The following INTS10 variants were observed in gnomAD, a reference collection of about 807,000 sequenced individuals.
The protein encoded by INTS10 is chromosome 8 open reading frame 35.
In INTS10, 44 loss-of-function variants were observed where a neutral mutation model predicts 94.4. That is an observed-to-expected ratio of 0.47 (90% CI 0.37 to 0.60). The LOEUF is 0.60. Among genes scored for constraint, INTS10 ranks in the 20% least tolerant of loss-of-function variants. The probability of loss-of-function intolerance (pLI) is 0.00; values close to 1 mark genes in which losing one functional copy is unlikely to be tolerated. For missense variants in INTS10, 797 were observed against 868.7 expected (o/e 0.92, Z 1.04); for synonymous variants, 341 against 320.7 (o/e 1.06, Z -0.68).
chr8:19,842,982 A>C, intron 14 of INTS10, 55 bp downstream of exon 14: 1 of 1,202,100 alleles, frequency 8.3e-7, no homozygotes, highest in Non-Finnish European at 1.2e-6. Context: ...TATTATTCTC[A>C]TGACTCGAGA....
Position 19,826,407 on chromosome 8 carries a change from T to G in INTS10, c.1007-19T>G. Reference sequence around the variant, plus strand: ...TCCTTGCTGCACTGGTAAGTGTTGGTGTTTTTCCCCGTCCTTAGGTCCTAA... The same window carrying G: ...TCCTTGCTGCACTGGTAAGTGTTGGGGTTTTTCCCCGTCCTTAGGTCCTAA... On this transcript the variant is annotated intron_variant, in intron 8 of 16. Coordinates refer to ENST00000397977, the MANE Select transcript of INTS10 (RefSeq NM_018142.4). The G allele has an allele frequency of 6.2e-7, 1 of 1,601,046 alleles. No homozygotes were observed. Among genetic ancestry groups the G allele is most frequent in the Non-Finnish European group, 8.5e-7 (1 of 1,174,980 alleles).
chr8:19,817,595 C>G lies in INTS10; in HGVS notation c.58C>G (p.Gln20Glu), dbSNP rs769038308. The part of the protein sequence containing the change: ...LVQRARELVP[Q>E]DLWAAKAWLI... ...GCAGCGAGCCCGGGAGTTGGTGCCG[C>G]AAGACCTGTGGGCAGCCAAGGCGTG... Residue 20 changes from glutamine to glutamate, a missense_variant, in exon 1 of 17, where the codon CAA (glutamine) becomes GAA (glutamate). Transcript: ENST00000397977. The G allele has an allele frequency of 6.2e-7, 1 of 1,608,950 alleles. No individual in the cohort carries two copies. Among genetic ancestry groups the G allele is most frequent in the East Asian group, 2.2e-5 (1 of 44,722 alleles).
At position 19,846,986 on chromosome 8, in the gene INTS10, T is replaced by C. The variant is rs2068632616; in HGVS notation, c.1976+1189T>C. 1.3e-5 allele frequency among the ~76,000 whole-genome samples: 2 copies of C among 152,222 alleles called. No individual in the cohort carries two copies. Among genetic ancestry groups the C allele is most frequent in the African/African-American group, 4.8e-5 (2 of 41,470 alleles). Reference sequence around the variant, plus strand: ...TCCCTCAGTTGTGGAATAAACTAGTTTTCAGTGGTTGAAAGCAAAAATCCA... The same window carrying C: ...TCCCTCAGTTGTGGAATAAACTAGTCTTCAGTGGTTGAAAGCAAAAATCCA... On this transcript the variant is annotated intron_variant, in intron 16 of 16. Coordinates refer to ENST00000397977, the MANE Select transcript of INTS10 (RefSeq NM_018142.4). The surrounding 1 kb of genome is among the most constrained non-coding windows in gnomAD (Gnocchi z 4.2).
At chr8:19,827,235 G>T (rs1243563650) in intron 9 of INTS10, among the ~76,000 whole-genome samples, 1 of 152,150 alleles carries the variant, frequency 6.6e-6, no homozygotes, top group Non-Finnish European at 1.5e-5. Context: ...TCTGCCCGTT[G>T]AAGCTGTGCT....
At chr8:19,824,540 C>A in intron 7 of INTS10, 2 of 350,964 alleles carry the variant, frequency 5.7e-6, no homozygotes, top group Non-Finnish European at 1.0e-5. Context: ...GAAATATGAA[C>A]TCTTAAGACG....
intron 5 of INTS10, among the ~76,000 whole-genome samples, chr8:19,822,935 T>TGA (rs1224545924): frequency 2.3e-4 from 34 of 149,066 alleles, no homozygotes; most frequent in African/African-American, 6.7e-4. Flanking sequence ...GGTGACTGAG[T>TGA]GAGACTCTGT....
At chr8:19,850,214 G>A (rs111808745) in intron 16 of INTS10, among the ~76,000 whole-genome samples, 4 of 151,930 alleles carry the variant, frequency 2.6e-5, no homozygotes, top group African/African-American at 7.2e-5. Context: ...AGTAACCTCC[G>A]CTTGGTCAGA....
At position 19,822,496 on chromosome 8, in the gene INTS10, G is replaced by C; in HGVS notation, c.499G>C (p.Val167Leu). The change falls in exon 5 of 17, where the codon GTG becomes CTG. Residue 167 changes from valine to leucine, a missense_variant. Physicochemically the swap from Val to Leu is conservative, Grantham distance 32. Coordinates refer to ENST00000397977, the MANE Select transcript of INTS10 (RefSeq NM_018142.4). ...AETIEEQESPVNCFRKLFVCD... is the reference protein window; with the variant it reads ...AETIEEQESPLNCFRKLFVCD... Reference sequence around the variant, plus strand: ...AACTATTGAAGAACAAGAATCTCCAGTGAACTGCTTTAGAAAATTATTTGG... The same window carrying C: ...AACTATTGAAGAACAAGAATCTCCACTGAACTGCTTTAGAAAATTATTTGG... The C allele has an allele frequency of 6.2e-7, 1 of 1,609,154 alleles. No homozygotes were observed. The highest frequency in any genetic ancestry group is 8.5e-7 in the Non-Finnish European group (1 of 1,175,670).
rs1244196847 is a variant in INTS10, at chr8:19,817,679, C to G, written c.129+13C>G. 2 of 1,600,168 alleles carry G rather than the reference C, an allele frequency of 1.2e-6. No homozygotes were observed. The highest frequency in any genetic ancestry group is 1.3e-5 in the African/African-American group (1 of 74,724). ...CTTTAACATCCAGGTGAGGTCCCGG[C>G]TGTGCATGCGGCCGCTCTGCGTGGA... is the stretch of plus-strand genomic sequence containing the variant. On this transcript the variant is annotated intron_variant, in intron 1 of 16. Coordinates refer to ENST00000397977, the MANE Select transcript of INTS10 (RefSeq NM_018142.4).
intron 12 of INTS10, among the ~76,000 whole-genome samples, chr8:19,836,433 G>A (rs548793599): frequency 6.6e-6 from 1 of 152,320 alleles, no homozygotes; most frequent in South Asian, 2.1e-4. Context: ...CATCCGTCCA[G>A]TGTCTCATCT....
intron 16 of INTS10, among the ~76,000 whole-genome samples, chr8:19,850,405 G>A (rs189945208): frequency 6.6e-6 from 1 of 152,254 alleles, no homozygotes; most frequent in Non-Finnish European, 1.5e-5. Context: ...CCACGGCCCT[G>A]CTGTTTTCCC....
Position 19,817,638 on chromosome 8 carries a change from G to A in INTS10, c.101G>A (p.Ser34Asn), listed in dbSNP as rs767078694. 3 of 1,607,452 alleles carry A rather than the reference G, an allele frequency of 1.9e-6. No individual in the cohort carries two copies. The highest frequency in any genetic ancestry group is 2.5e-6 in the Non-Finnish European group (3 of 1,177,626). Residue 34 changes from serine to asparagine, a missense_variant, in exon 1 of 17, where the codon AGC becomes AAC. Coordinates refer to ENST00000397977, the MANE Select transcript of INTS10 (RefSeq NM_018142.4). ...AAKAWLITARSLYPADFNIQY... is the reference protein window; with the variant it reads ...AAKAWLITARNLYPADFNIQY... Reference sequence around the variant, plus strand: ...AAGGCGTGGCTGATCACGGCCCGCAGCCTCTACCCGGCAGACTTTAACATC... The same window carrying A: ...AAGGCGTGGCTGATCACGGCCCGCAACCTCTACCCGGCAGACTTTAACATC...
intron 13 of INTS10, among the ~76,000 whole-genome samples, chr8:19,839,510 G>C (rs540896784): frequency 6.6e-6 from 1 of 152,070 alleles, no homozygotes; most frequent in African/African-American, 2.4e-5. Context: ...ACCAGCATGG[G>C]CAACAAAGTG....
At chr8:19,845,640 A>G (rs2068513819) in intron 15 of INTS10, 64 bp from the exon 16 acceptor site, 6 of 1,173,300 alleles carry the variant, frequency 5.1e-6, no homozygotes, top group South Asian at 4.9e-5. Flanking sequence ...CCGAGACCCC[A>G]TTTCCTCATC....
intron 2 of INTS10, 40 bp downstream of exon 2, chr8:19,818,382 C>G (rs539436640): frequency 6.3e-7 from 1 of 1,588,830 alleles, no homozygotes; most frequent in African/African-American, 1.3e-5. Context: ...TGCACTGAAT[C>G]TCTCCATGAG....
chr8:19,817,892 C>T (rs1250148861), intron 1 of INTS10, among the ~76,000 whole-genome samples: 1 of 151,976 alleles, frequency 6.6e-6, no homozygotes, highest in Non-Finnish European at 1.5e-5. Flanking sequence ...CTCCCCAGCA[C>T]TTGAGAGACG....
Position 19,833,288 on chromosome 8 carries a change from G to T in INTS10, c.1497G>T (p.Leu499=). 6.2e-7 allele frequency: 1 copy of T among 1,612,718 alleles called. No homozygotes were observed. Among genetic ancestry groups the T allele is most frequent in the Non-Finnish European group, 8.5e-7 (1 of 1,179,360 alleles). ...AGCATCAGAGGGCGCTCATCCAGCT[G>T]GCGACGTGCCACTTTGCGCTAGGGG... ...TLEHQRALIQ[L]ATCHFALGEY... Residue 499 remains leucine, a synonymous_variant, in exon 12 of 17, where the codon CTG becomes CTT. Coordinates refer to ENST00000397977, the MANE Select transcript of INTS10 (RefSeq NM_018142.4).
At chr8:19,823,469 T>A (rs751735093) in intron 6 of INTS10, 28 bp downstream of exon 6, 14 of 1,443,708 alleles carry the variant, frequency 9.7e-6, no homozygotes, top group Non-Finnish European at 1.4e-5. Context: ...GTACTTTTAC[T>A]TAAATAGGCT....
At position 19,817,685 on chromosome 8, in the gene INTS10, A is replaced by T; in HGVS notation, c.129+19A>T. 3 of 1,597,122 alleles carry T rather than the reference A, an allele frequency of 1.9e-6. No individual in the cohort carries two copies. The highest frequency in any genetic ancestry group is 2.6e-6 in the Non-Finnish European group (3 of 1,172,720). ...CATCCAGGTGAGGTCCCGGCTGTGC[A>T]TGCGGCCGCTCTGCGTGGAGGTGCG... On this transcript the variant is annotated intron_variant, in intron 1 of 16. Coordinates refer to ENST00000397977, the MANE Select transcript of INTS10 (RefSeq NM_018142.4).
Sources: gnomAD v4.1 joint callset for allele counts (sites outside exome capture counted in the v4.1 genomes callset) on GRCh38, gnomAD v4.1.1 for gene constraint, Gnocchi (gnomAD v3.1) non-coding constraint, MANE v1.5 for transcripts, NCBI Gene and HGNC (gene_info 2026-07-23, HGNC 2026-07-21) for gene names.